The following HRH1 variants were observed in gnomAD, a reference collection of about 807,000 sequenced individuals.
HRH1 encodes the protein histamine receptor H1, also known as histamine H1 receptor.
A neutral mutation model predicts 10.3 loss-of-function variants in HRH1; 6 were observed. That is an observed-to-expected ratio of 0.58 (90% CI 0.32 to 1.15). HRH1 has a LOEUF of 1.15. HRH1 is among the 50% of genes most tolerant of loss of function. The pLI, the probability that HRH1 is intolerant of heterozygous loss-of-function variation, is 0.05. For missense variants in HRH1, 514 were observed against 615.3 expected, an observed-to-expected ratio of 0.84 and a Z score of 1.74; for synonymous variants, 242 against 236.7, an observed-to-expected ratio of 1.02 and a Z score of -0.21.
rs558923384 is a variant in HRH1, at chr3:11,173,979, G to A, written c.-36+19425G>A. Among the ~76,000 whole-genome samples the A allele has an allele frequency of 2.6e-5, 4 of 152,348 alleles. 1 individual carries two copies. Among genetic ancestry groups the A allele is most frequent in the African/African-American group, 9.6e-5 (4 of 41,576 alleles). ...TAACCATGCCAGAATTGTAGGGCTA[G>A]GGGTGAGGAGTAGGGCTTGAAGATC... On this transcript the variant is annotated intron_variant, in intron 1 of 1. Coordinates refer to ENST00000431010, the MANE Select transcript of HRH1 (RefSeq NM_001098212.2).
At chr3:11,174,959 G>A (rs564171540) in intron 1 of HRH1, among the ~76,000 whole-genome samples, 2 of 152,316 alleles carry the variant, frequency 1.3e-5, no homozygotes, top group African/African-American at 4.8e-5. Flanking sequence ...ATTCAGGCCT[G>A]GATCCAACAG....
At position 11,191,604 on chromosome 3, in the gene HRH1, A is replaced by C. The variant is rs193074026; in HGVS notation, c.-36+37050A>C. On this transcript the variant is annotated intron_variant, in intron 1 of 1. Transcript: ENST00000431010. Reference sequence around the variant, plus strand: ...CCCCCCACCTGACTGGGCTCTTTCTACGGGAAAGATAGTCAGTGCCAAAGT... The same window carrying C: ...CCCCCCACCTGACTGGGCTCTTTCTCCGGGAAAGATAGTCAGTGCCAAAGT... 3.5e-3 allele frequency among the ~76,000 whole-genome samples: 540 copies of C among 152,274 alleles called. 1 individual carries two copies. Among genetic ancestry groups the C allele is most frequent in the Non-Finnish European group, 6.4e-3 (435 of 68,008 alleles).
At chr3:11,156,086 G>C (rs904962433) in intron 1 of HRH1, among the ~76,000 whole-genome samples, 1 of 152,298 alleles carries the variant, frequency 6.6e-6, no homozygotes, top group African/African-American at 2.4e-5. Context: ...AGCAGCAAAG[G>C]ATGAATAGAG....
chr3:11,217,515 C>A (rs143380642), intron 1 of HRH1, among the ~76,000 whole-genome samples: 1 of 151,620 alleles, frequency 6.6e-6, no homozygotes, highest in Admixed American at 6.6e-5. Flanking sequence ...GGTGACAGAG[C>A]GAGACTTGGT....
intron 1 of HRH1, among the ~76,000 whole-genome samples, chr3:11,233,082 T>G (rs920649228): frequency 6.6e-6 from 1 of 152,224 alleles, no homozygotes; most frequent in African/African-American, 2.4e-5. Context: ...CTTTGATGTA[T>G]ATTTGGGGGG....
rs867682325 is a variant in HRH1, at chr3:11,250,199, A to G, written c.-35-8804A>G. Among the ~76,000 whole-genome samples, 41 of 132,430 alleles carry G rather than the reference A, an allele frequency of 3.1e-4. 1 individual carries two copies. The highest frequency in any genetic ancestry group is 4.1e-3 in the Middle Eastern group (1 of 246). 86.9% of individuals were successfully genotyped at this position (132,430 alleles called of 152,430 possible). A position where few individuals can be genotyped will look rare whatever the true frequency, so the allele number is the denominator to read the frequency against. On this transcript the variant is annotated intron_variant, in intron 1 of 1. Coordinates refer to ENST00000431010, the MANE Select transcript of HRH1 (RefSeq NM_001098212.2). ...CTGGGACTATAGGCGCCGCCACCACACCCGGCTAATTTTTTTTTTTTTTTT... is the reference window on the plus strand; with the variant it reads ...CTGGGACTATAGGCGCCGCCACCACGCCCGGCTAATTTTTTTTTTTTTTTT...
chr3:11,138,048 C>T (rs1291441453), intron 1 of HRH1, among the ~76,000 whole-genome samples: 2 of 152,064 alleles, frequency 1.3e-5, no homozygotes, highest in African/African-American at 4.8e-5. Context: ...CGGAGTCTCC[C>T]TCTGTTGTCC....
rs763773398 is a variant in HRH1 at position 11,260,467 on chromosome 3, A to C, written c.1430A>C (p.Lys477Thr). Residue 477 changes from lysine to threonine, a missense_variant, in exon 2 of 2, where the codon AAG becomes ACG. Lys to Thr is a moderately conservative substitution (Grantham distance 78, BLOSUM62 -1). Coordinates refer to ENST00000431010, the MANE Select transcript of HRH1 (RefSeq NM_001098212.2). ...IYPLCNENFKKTFKRILHIRS is the reference protein window; with the variant it reads ...IYPLCNENFKTTFKRILHIRS ...CCCTTGTGCAATGAGAACTTCAAGAAGACATTCAAGAGAATTCTGCATATT... is the reference window on the plus strand; with the variant it reads ...CCCTTGTGCAATGAGAACTTCAAGACGACATTCAAGAGAATTCTGCATATT... 22 of 1,609,492 alleles carry C rather than the reference A, an allele frequency of 1.4e-5. No individual in the cohort carries two copies. Among genetic ancestry groups the C allele is most frequent in the Non-Finnish European group, 5.1e-6 (6 of 1,177,400 alleles).
chr3:11,181,278 T>G (rs1559262368), intron 1 of HRH1, among the ~76,000 whole-genome samples: 1 of 152,120 alleles, frequency 6.6e-6, no homozygotes, highest in Non-Finnish European at 1.5e-5. Flanking sequence ...AGCGAGACCC[T>G]GTCTCCAAAA....
intron 1 of HRH1, among the ~76,000 whole-genome samples, chr3:11,144,681 C>T (rs991677207): frequency 6.6e-6 from 1 of 151,674 alleles, no homozygotes; most frequent in Non-Finnish European, 1.5e-5. Context: ...CTTCCTGGGA[C>T]AAACACAGTT....
At chr3:11,145,555 T>G (rs1936421267) in intron 1 of HRH1, among the ~76,000 whole-genome samples, 1 of 152,174 alleles carries the variant, frequency 6.6e-6, no homozygotes, top group African/African-American at 2.4e-5. Context: ...GTTTTTGAAA[T>G]GTTTGCCTCT....
At chr3:11,233,837 G>A (rs1453126967) in intron 1 of HRH1, among the ~76,000 whole-genome samples, 1 of 152,182 alleles carries the variant, frequency 6.6e-6, no homozygotes, top group African/African-American at 2.4e-5. Flanking sequence ...TTTAGGAGAA[G>A]ATGTTTTTGT....
chr3:11,154,252 G>A (rs944463659), upstream of HRH1, among the ~76,000 whole-genome samples: 1 of 152,104 alleles, frequency 6.6e-6, no homozygotes, highest in East Asian at 1.9e-4. This position sits in a 1 kb window ranked among gnomAD's most constrained non-coding sequence, Gnocchi z 4.4. Flanking sequence ...CCCAGCGGGA[G>A]CAGCTCCAAA....
intron 1 of HRH1, among the ~76,000 whole-genome samples, chr3:11,161,065 C>T (rs1936913384): frequency 6.6e-6 from 1 of 151,828 alleles, no homozygotes; most frequent in Non-Finnish European, 1.5e-5. Context: ...TGCCTGTGGC[C>T]AAACCCAAGA....
intron 1 of HRH1, among the ~76,000 whole-genome samples, chr3:11,174,270 A>G (rs1341401344): frequency 6.6e-6 from 1 of 152,222 alleles, no homozygotes; most frequent in Admixed American, 6.5e-5. Context: ...CTAGCACTTG[A>G]TCAAGACCAG....
intron 1 of HRH1, among the ~76,000 whole-genome samples, chr3:11,248,965 A>G (rs746650822): frequency 2.6e-5 from 4 of 152,064 alleles, no homozygotes; most frequent in African/African-American, 2.4e-5. Flanking sequence ...TTGCGGATGG[A>G]ATATTTAATC....
chr3:11,143,753 C>T (rs1265621024), intron 1 of HRH1, among the ~76,000 whole-genome samples: 2 of 152,134 alleles, frequency 1.3e-5, no homozygotes, highest in East Asian at 1.9e-4. Context: ...AACCTGACTA[C>T]CCACCATCCC....
chr3:11,150,483 G>A (rs1236250520), upstream of HRH1, among the ~76,000 whole-genome samples: 3 of 152,272 alleles, frequency 2.0e-5, no homozygotes, highest in African/African-American at 4.8e-5. Context: ...GAGCTGGACC[G>A]GGCTCCCTGC....
At chr3:11,183,027 C>G (rs11128542) in intron 1 of HRH1, among the ~76,000 whole-genome samples, 39,518 of 152,208 alleles carry the variant, frequency 0.26, 6,380 homozygotes, top group Non-Finnish European at 0.37. Flanking sequence ...CACAGAGCAA[C>G]CTCAGGAAAA....
Sources: gnomAD v4.1 joint callset for allele counts (sites outside exome capture counted in the v4.1 genomes callset) on GRCh38, gnomAD v4.1.1 for gene constraint, Gnocchi (gnomAD v3.1) non-coding constraint, MANE v1.5 for transcripts, NCBI Gene and HGNC (gene_info 2026-07-23, HGNC 2026-07-21) for gene names.